The following HECW1 variants were observed in gnomAD, a reference collection of about 807,000 sequenced individuals.
HECW1 encodes the protein E3 ubiquitin-protein ligase HECW1.
A neutral mutation model predicts 182.3 loss-of-function variants in HECW1; 61 were observed. The observed-to-expected ratio is 0.33, with a 90% CI of 0.27 to 0.41. HECW1 has a LOEUF of 0.41. Ranked by LOEUF, HECW1 falls within the 10% of genes least tolerant of loss-of-function variation. The pLI is 1.00. For missense variants in HECW1, 1,739 were observed against 2,108.9 expected (o/e 0.82, Z 3.44); for synonymous variants, 859 against 832.6 (o/e 1.03, Z -0.55).
intron 2 of HECW1, among the ~76,000 whole-genome samples, chr7:43,222,823 C>T (rs1797098899): frequency 1.3e-5 from 2 of 152,124 alleles, no homozygotes; most frequent in Admixed American, 6.5e-5. Flanking sequence ...TCTCAGGGCT[C>T]AGGGCTGTGA....
chr7:43,389,884 T>G (rs1266317981), intron 6 of HECW1, among the ~76,000 whole-genome samples: 1 of 152,152 alleles, frequency 6.6e-6, no homozygotes, highest in African/African-American at 2.4e-5. Flanking sequence ...CCTTCCACTT[T>G]GGCCTCCCAA....
Position 43,340,716 on chromosome 7 carries a change from G to C in HECW1, c.460+19974G>C, listed in dbSNP as rs901352037. On this transcript the variant is annotated intron_variant, in intron 5 of 29. Transcript: ENST00000395891. ...TACAGTGTCGTCTGTTGGTGGGAGTGTAAACTAGTTCAACCATTGTGGAAG... is the reference window on the plus strand; with the variant it reads ...TACAGTGTCGTCTGTTGGTGGGAGTCTAAACTAGTTCAACCATTGTGGAAG... 7.2e-5 allele frequency among the ~76,000 whole-genome samples: 11 copies of C among 151,764 alleles called. 1 individual carries two copies. Among genetic ancestry groups the C allele is most frequent in the African/African-American group, 2.4e-4 (10 of 41,056 alleles).
intron 8 of HECW1, among the ~76,000 whole-genome samples, chr7:43,411,890 T>C (rs2075815823): frequency 6.6e-6 from 1 of 152,192 alleles, no homozygotes; most frequent in Non-Finnish European, 1.5e-5. Context: ...TAATTTCATT[T>C]ATTACAATAA....
chr7:43,549,775 G>A (rs1431409261), intron 26 of HECW1, among the ~76,000 whole-genome samples: 1 of 152,126 alleles, frequency 6.6e-6, no homozygotes, highest in Admixed American at 6.5e-5. Context: ...GAAGACCACT[G>A]TCTTCTGGCC....
At chr7:43,193,740 A>T (rs1413177102) in intron 2 of HECW1, among the ~76,000 whole-genome samples, 1 of 151,884 alleles carries the variant, frequency 6.6e-6, no homozygotes, top group Non-Finnish European at 1.5e-5. Flanking sequence ...GCTGTGACCA[A>T]TTATTATTTT....
chr7:43,155,654 C>G (rs529287958), intron 2 of HECW1, among the ~76,000 whole-genome samples: 1 of 152,162 alleles, frequency 6.6e-6, no homozygotes, highest in Non-Finnish European at 1.5e-5. Flanking sequence ...GTGTGTACCT[C>G]TCTACTCAGT....
chr7:43,204,175 C>T (rs1258253727), intron 2 of HECW1, among the ~76,000 whole-genome samples: 1 of 152,180 alleles, frequency 6.6e-6, no homozygotes, highest in Non-Finnish European at 1.5e-5. Flanking sequence ...GTCAAAGCAG[C>T]TAATTTTGTT....
intron 2 of HECW1, among the ~76,000 whole-genome samples, chr7:43,165,610 A>G (rs999453184): frequency 9.9e-5 from 15 of 152,166 alleles, no homozygotes; most frequent in Non-Finnish European, 2.2e-4. Context: ...TCTCCTATGC[A>G]GAGTTTTTGG....
intron 16 of HECW1, among the ~76,000 whole-genome samples, chr7:43,469,429 G>A (rs1328532445): frequency 6.6e-6 from 1 of 152,178 alleles, no homozygotes; most frequent in Non-Finnish European, 1.5e-5. Context: ...TTTGGAATGT[G>A]GAACTGAATT....
intron 13 of HECW1, among the ~76,000 whole-genome samples, chr7:43,461,567 G>C (rs1315871364): frequency 6.6e-6 from 1 of 152,222 alleles, no homozygotes; most frequent in Non-Finnish European, 1.5e-5. Flanking sequence ...CACTTGGGCA[G>C]CTTCTTGCTG....
chr7:43,218,324 G>T (rs1394246873), intron 2 of HECW1, among the ~76,000 whole-genome samples: 1 of 152,200 alleles, frequency 6.6e-6, no homozygotes, highest in Non-Finnish European at 1.5e-5. Flanking sequence ...GGGTCACCTT[G>T]AGAACCTGCT....
At chr7:43,148,031 G>C (rs1788905977) in intron 2 of HECW1, among the ~76,000 whole-genome samples, 1 of 152,192 alleles carries the variant, frequency 6.6e-6, no homozygotes. Context: ...CAATTCTTGA[G>C]AATCTATTTT....
intron 3 of HECW1, chr7:43,311,489 G>C (rs1584433292): frequency 1.6e-6 from 1 of 638,672 alleles, no homozygotes; most frequent in Admixed American, 1.9e-5. Context: ...CTGGTATCAA[G>C]TGGGTTAGAG....
chr7:43,281,427 C>T (rs547577001), intron 3 of HECW1, among the ~76,000 whole-genome samples: 3 of 152,298 alleles, frequency 2.0e-5, no homozygotes, highest in East Asian at 1.9e-4. Context: ...ACAACTTTAT[C>T]GTGGAAATAC....
intron 27 of HECW1, among the ~76,000 whole-genome samples, chr7:43,551,097 C>T (rs1212916020): frequency 6.6e-6 from 1 of 152,198 alleles, no homozygotes; most frequent in Non-Finnish European, 1.5e-5. Context: ...AGTTTAAAAA[C>T]CAGAGGCTAT....
chr7:43,211,326 G>A (rs1795988137), intron 2 of HECW1, among the ~76,000 whole-genome samples: 1 of 152,222 alleles, frequency 6.6e-6, no homozygotes, highest in Non-Finnish European at 1.5e-5. Flanking sequence ...TATTCAGGCA[G>A]TTCCCATTGT....
At chr7:43,294,745 T>G (rs549548665) in intron 3 of HECW1, among the ~76,000 whole-genome samples, 167 of 152,238 alleles carry the variant, frequency 1.1e-3, no homozygotes, top group African/African-American at 3.9e-3. Flanking sequence ...TTCAAAAGCT[T>G]TTGTCCCCAT....
intron 2 of HECW1, among the ~76,000 whole-genome samples, chr7:43,171,668 G>C (rs771508732): frequency 6.6e-6 from 1 of 152,202 alleles, no homozygotes; most frequent in African/African-American, 2.4e-5. Flanking sequence ...ATCTAAGCCT[G>C]AGATTTTGAA....
chr7:43,456,454 G>A lies in HECW1; in HGVS notation c.2651+7G>A. 1.2e-6 allele frequency: 2 copies of A among 1,613,022 alleles called. No individual in the cohort carries two copies. The highest frequency in any genetic ancestry group is 1.7e-6 in the Non-Finnish European group (2 of 1,179,356). On this transcript the variant is annotated splice_region_variant and intron_variant, in intron 13 of 29. Coordinates refer to ENST00000395891, the MANE Select transcript of HECW1 (RefSeq NM_015052.5). ...TGGAGCAACTCAACAGGCGGTTGGT[G>A]ATCAGTATGCAATGAGCTCCCCTAA...
Sources: gnomAD v4.1 joint callset for allele counts (sites outside exome capture counted in the v4.1 genomes callset) on GRCh38, gnomAD v4.1.1 for gene constraint, MANE v1.5 for transcripts, NCBI Gene and HGNC (gene_info 2026-07-23, HGNC 2026-07-21) for gene names.